PPP2R1A: variants seen among roughly 807,000 people sequenced by gnomAD.
The protein encoded by PPP2R1A is serine/threonine-protein phosphatase 2A 65 kDa regulatory subunit A alpha isoform.
A neutral mutation model predicts 67.1 loss-of-function variants in PPP2R1A; 15 were observed. The ratio of observed to expected loss-of-function variants is 0.22; its 90% confidence interval spans 0.15 to 0.34. The LOEUF is 0.34. Ranked by LOEUF, PPP2R1A falls within the 10% of genes least tolerant of loss-of-function variation. The probability of loss-of-function intolerance (pLI) is 1.00; values close to 1 mark genes in which losing one functional copy is unlikely to be tolerated. For missense variants in PPP2R1A, 369 were observed against 775.0 expected, an observed-to-expected ratio of 0.48 and a Z score of 6.22; for synonymous variants, 337 against 325.0, an observed-to-expected ratio of 1.04 and a Z score of -0.40.
At chr19:52,193,387 C>T (rs1046692972) in intron 1 of PPP2R1A, among the ~76,000 whole-genome samples, 2 of 152,204 alleles carry the variant, frequency 1.3e-5, no homozygotes, top group Non-Finnish European at 2.9e-5. Context: ...TATTTATCAG[C>T]ACCTCCTGTG....
chr19:52,206,149 C>T, intron 3 of PPP2R1A, 86 bp downstream of exon 3: 1 of 1,215,602 alleles, frequency 8.2e-7, no homozygotes, highest in Non-Finnish European at 1.2e-6. Flanking sequence ...GGGAGCGTGT[C>T]AGAGAGCGTG....
intron 14 of PPP2R1A, 46 bp from the exon 15 acceptor site, chr19:52,225,917 CAG>C: frequency 6.2e-7 from 1 of 1,614,150 alleles, no homozygotes; most frequent in Non-Finnish European, 8.5e-7. Context: ...GCATTGTGGG[CAG>C]AGAGAGGGCT....
intron 1 of PPP2R1A, among the ~76,000 whole-genome samples, chr19:52,192,036 AT>A (rs2089458802): frequency 6.6e-6 from 1 of 152,164 alleles, no homozygotes; most frequent in Non-Finnish European, 1.5e-5. Context: ...GGGGATAAGC[AT>A]TAGGGAGACA....
intron 1 of PPP2R1A, among the ~76,000 whole-genome samples, chr19:52,194,222 A>AATGAAAT (rs2089479212): frequency 1.3e-5 from 2 of 152,142 alleles, no homozygotes; most frequent in Non-Finnish European, 2.9e-5. Context: ...CAAGGATTTG[A>AATGAAAT]ATGAAATGAA....
rs199937493 is a variant in PPP2R1A, at chr19:52,225,739, C to A, written c.1684C>A (p.Pro562Thr). The A allele has an allele frequency of 6.2e-7, 1 of 1,614,162 alleles. No individual in the cohort carries two copies. Among genetic ancestry groups the A allele is most frequent in the East Asian group, 2.2e-5 (1 of 44,864 alleles). The change falls in exon 14 of 15, where the codon CCC (proline) becomes ACC (threonine). Residue 562 changes from proline (P) to threonine (T), a missense_variant. Transcript: ENST00000322088. ...CAGCACCTTGCAGAGTGAAGTCAAG[C>A]CCATCCTAGAGAAGCTGACCCAGGA... ...DNSTLQSEVK[P>T]ILEKLTQDQD...
At chr19:52,222,703 C>G (rs909220832) in intron 13 of PPP2R1A, among the ~76,000 whole-genome samples, 1 of 152,196 alleles carries the variant, frequency 6.6e-6, no homozygotes, top group Non-Finnish European at 1.5e-5. Flanking sequence ...TGGCGAAACC[C>G]CGTCTCTAGT....
Position 52,216,385 on chromosome 19 carries a change from T to C in PPP2R1A, c.994-144T>C. 8.9e-7 allele frequency: 1 copy of C among 1,125,856 alleles called. No individual in the cohort carries two copies. Among genetic ancestry groups the C allele is most frequent in the Non-Finnish European group, 1.3e-6 (1 of 798,354 alleles). 69.7% of individuals were successfully genotyped at this position (1,125,856 alleles called of 1,614,324 possible). A position where few individuals can be genotyped will look rare whatever the true frequency, so the allele number is the denominator to read the frequency against. On this transcript the variant is annotated intron_variant, in intron 8 of 14. Coordinates refer to ENST00000322088, the MANE Select transcript of PPP2R1A (RefSeq NM_014225.6). The surrounding 1 kb of genome is among the most constrained non-coding windows in gnomAD (Gnocchi z 4.3). The stretch of plus-strand genomic sequence containing the variant: ...GGTGGTACTCATAAGGAATAGTGAT[T>C]TCCCCTGTACCCTAAGCCATCCCCT...
At chr19:52,221,392 C>T (rs766718639) in intron 12 of PPP2R1A, among the ~76,000 whole-genome samples, 3 of 152,104 alleles carry the variant, frequency 2.0e-5, no homozygotes, top group African/African-American at 2.4e-5. Context: ...GTTGGAGCAG[C>T]GATCTCAAGC....
chr19:52,196,785 C>T (rs367823877), intron 1 of PPP2R1A, among the ~76,000 whole-genome samples: 39 of 152,294 alleles, frequency 2.6e-4, no homozygotes, highest in East Asian at 1.7e-3. Flanking sequence ...TTGTATCCTC[C>T]ATTCTACCCT....
chr19:52,202,879 G>A (rs1345027434), intron 2 of PPP2R1A, among the ~76,000 whole-genome samples: 3 of 152,216 alleles, frequency 2.0e-5, no homozygotes, highest in Admixed American at 1.3e-4. Context: ...TGTATAGTAC[G>A]TGCCGCCTAA....
chr19:52,207,838 GA>G (rs2089620231), intron 3 of PPP2R1A, among the ~76,000 whole-genome samples: 1 of 152,156 alleles, frequency 6.6e-6, no homozygotes, highest in Non-Finnish European at 1.5e-5. Context: ...GCTATCCTCA[GA>G]GGGCTCCTGG....
At chr19:52,210,656 T>C (rs1452892875) in intron 3 of PPP2R1A, among the ~76,000 whole-genome samples, 1 of 152,048 alleles carries the variant, frequency 6.6e-6, no homozygotes, top group Non-Finnish European at 1.5e-5. Flanking sequence ...CACACCCAGC[T>C]AATTTTTTTG....
intron 2 of PPP2R1A, among the ~76,000 whole-genome samples, chr19:52,202,480 G>A (rs946245387): frequency 6.6e-6 from 1 of 152,238 alleles, no homozygotes; most frequent in Non-Finnish European, 1.5e-5. Context: ...TTCATATAAA[G>A]TGTTTAGAAA....
intron 1 of PPP2R1A, chr19:52,191,439 A>G (rs1004804377): frequency 1.3e-5 from 2 of 152,196 alleles, no homozygotes; most frequent in Non-Finnish European, 2.9e-5. Context: ...TATTAGCTGT[A>G]ATTATTGGGA....
chr19:52,190,389 C>G, intron 1 of PPP2R1A: 1 of 620,004 alleles, frequency 1.6e-6, no homozygotes. Flanking sequence ...GCGCTAGCCT[C>G]GAGGGTCCCG....
intron 9 of PPP2R1A, among the ~76,000 whole-genome samples, chr19:52,217,441 C>T (rs1978644474): frequency 1.3e-5 from 2 of 152,182 alleles, no homozygotes; most frequent in South Asian, 4.1e-4. Context: ...CTCAAGCAGT[C>T]CTTTTGCCTT....
At position 52,212,923 on chromosome 19, in the gene PPP2R1A, C is replaced by T. The variant is rs2122337040; in HGVS notation, c.652-32C>T. 6.4e-7 allele frequency: 1 copy of T among 1,570,846 alleles called. No individual in the cohort carries two copies. The highest frequency in any genetic ancestry group is 8.6e-7 in the Non-Finnish European group (1 of 1,157,408). On this transcript the variant is annotated intron_variant, in intron 5 of 14. Transcript: ENST00000322088. The surrounding 1 kb of genome is among the most constrained non-coding windows in gnomAD (Gnocchi z 4.1). ...ATCCCAGAGCTCAGCAAGGCCTCTGCTGCCCTCCCACTGTTCCTCTCCTCT... is the reference window on the plus strand; with the variant it reads ...ATCCCAGAGCTCAGCAAGGCCTCTGTTGCCCTCCCACTGTTCCTCTCCTCT...
In PPP2R1A at chr19:52,216,164, A is replaced by C. The variant is rs1978556200; in HGVS notation, c.993+90A>C. The C allele has an allele frequency of 7.0e-7, 1 of 1,430,552 alleles. No individual in the cohort carries two copies. Among genetic ancestry groups the C allele is most frequent in the Non-Finnish European group, 9.8e-7 (1 of 1,024,024 alleles). The allele number at this position is 1,430,552 out of a possible 1,614,324, so 88.6% of individuals were successfully genotyped here. The stretch of plus-strand genomic sequence containing the variant: ...CAAGGCTTTGGGGATAGTCAGCTGC[A>C]AACTAGGTTCCCAGCCCTCTGGGAC... On this transcript the variant is annotated intron_variant, in intron 8 of 14. Transcript: ENST00000322088. This position sits in a 1 kb window ranked among gnomAD's most constrained non-coding sequence, Gnocchi z 4.3.
intron 1 of PPP2R1A, among the ~76,000 whole-genome samples, chr19:52,196,203 A>G (rs756137320): frequency 2.6e-5 from 4 of 152,202 alleles, no homozygotes; most frequent in Non-Finnish European, 5.9e-5. Flanking sequence ...GGGAATTCTC[A>G]GGATATGACA....
Sources: gnomAD v4.1 joint callset for allele counts (sites outside exome capture counted in the v4.1 genomes callset) on GRCh38, gnomAD v4.1.1 for gene constraint, Gnocchi (gnomAD v3.1) non-coding constraint, MANE v1.5 for transcripts, NCBI Gene and HGNC (gene_info 2026-07-23, HGNC 2026-07-21) for gene names.